DKK2: variants seen among roughly 807,000 people sequenced by gnomAD.
The protein encoded by DKK2 is dickkopf-related protein 2.
A neutral mutation model predicts 28.1 loss-of-function variants in DKK2; 11 were observed. That is an observed-to-expected ratio of 0.39 (90% confidence interval 0.25 to 0.65). The LOEUF (loss-of-function observed/expected upper bound fraction) is 0.65. Among genes scored for constraint, DKK2 ranks in the 30% least tolerant of loss-of-function variants. The probability of loss-of-function intolerance (pLI) is 0.47; values close to 1 mark genes in which losing one functional copy is unlikely to be tolerated. For missense variants in DKK2, 326 were observed against 335.5 expected (o/e 0.97, Z 0.22); for synonymous variants, 135 against 126.5 (o/e 1.07, Z -0.45).
chr4:106,935,063 T>A (rs1351355279), intron 1 of DKK2, among the ~76,000 whole-genome samples: 3 of 151,796 alleles, frequency 2.0e-5, no homozygotes, highest in African/African-American at 7.3e-5. Context: ...CCACAAAGTT[T>A]AAATAGACTA....
intron 1 of DKK2, among the ~76,000 whole-genome samples, chr4:106,997,488 T>C (rs182833924): frequency 1.3e-5 from 2 of 152,050 alleles, no homozygotes; most frequent in African/African-American, 4.8e-5. Flanking sequence ...CCTCTCAAAA[T>C]ATAGGAGACC....
At chr4:106,982,668 A>C (rs1328256116) in intron 1 of DKK2, among the ~76,000 whole-genome samples, 1 of 152,186 alleles carries the variant, frequency 6.6e-6, no homozygotes, top group African/African-American at 2.4e-5. Flanking sequence ...AAGGTGTCAA[A>C]CCTATGTTTA....
chr4:106,992,984 G>T (rs1414174158), intron 1 of DKK2, among the ~76,000 whole-genome samples: 1 of 152,196 alleles, frequency 6.6e-6, no homozygotes, highest in African/African-American at 2.4e-5. Flanking sequence ...AGTGATATGA[G>T]AATTCCATAT....
intron 1 of DKK2, among the ~76,000 whole-genome samples, chr4:107,016,114 A>G (rs1387501042): frequency 6.6e-6 from 1 of 151,862 alleles, no homozygotes; most frequent in Non-Finnish European, 1.5e-5. Flanking sequence ...AAGTTATTTG[A>G]AAGTCTGAGT....
intron 2 of DKK2, among the ~76,000 whole-genome samples, chr4:106,925,244 C>A (rs542746179): frequency 6.6e-6 from 1 of 152,178 alleles, no homozygotes; most frequent in African/African-American, 2.4e-5. Context: ...TAATTACCTT[C>A]TGCAATTATT....
rs963001570 is a variant in DKK2, at chr4:106,984,775, C to T, written c.222+50595G>A. Among the ~76,000 whole-genome samples, 9 of 152,170 alleles carry T rather than the reference C, an allele frequency of 5.9e-5. 1 individual carries two copies. The highest frequency in any genetic ancestry group is 2.1e-4 in the South Asian group (1 of 4,836). On this transcript the variant is annotated intron_variant, in intron 1 of 3. Coordinates refer to ENST00000285311, the MANE Select transcript of DKK2 (RefSeq NM_014421.3). ...AAAACTGAAAACAAATACAGATATC[C>T]TTCAACGGGTGAATGGTTAAGCAGT...
At chr4:106,940,818 A>G (rs1014511207) in intron 1 of DKK2, among the ~76,000 whole-genome samples, 2 of 152,184 alleles carry the variant, frequency 1.3e-5, no homozygotes, top group African/African-American at 4.8e-5. Context: ...AAGGACATGG[A>G]TGAAATTGGA....
chr4:106,965,158 A>G (rs1359259547), intron 1 of DKK2, among the ~76,000 whole-genome samples: 1 of 152,152 alleles, frequency 6.6e-6, no homozygotes, highest in Non-Finnish European at 1.5e-5. Flanking sequence ...CATTCTTCTT[A>G]CTTTAGCTAT....
At position 107,020,192 on chromosome 4, in the gene DKK2, T is replaced by C. The variant is rs370600929; in HGVS notation, c.222+15178A>G. ...ACAGTACACACTTCAATTCAATTTG[T>C]AGTCAATCACTGTGATGGCTGTGGC... is the stretch of plus-strand genomic sequence containing the variant. On this transcript the variant is annotated intron_variant, in intron 1 of 3. Transcript: ENST00000285311. Among the ~76,000 whole-genome samples, 9 of 152,254 alleles carry C rather than the reference T, an allele frequency of 5.9e-5. 1 individual carries two copies. The highest frequency in any genetic ancestry group is 5.9e-4 in the Admixed American group (9 of 15,280).
chr4:106,931,052 A>C (rs1422341740), intron 1 of DKK2, among the ~76,000 whole-genome samples: 2 of 152,206 alleles, frequency 1.3e-5, no homozygotes, highest in African/African-American at 4.8e-5. Context: ...ATGCAACTGC[A>C]GGAGGTGCAG....
intron 1 of DKK2, among the ~76,000 whole-genome samples, chr4:106,930,842 A>C (rs1724492357): frequency 6.6e-6 from 1 of 152,180 alleles, no homozygotes; most frequent in Non-Finnish European, 1.5e-5. Context: ...ACTGGGGATG[A>C]GAATATATCT....
intron 1 of DKK2, among the ~76,000 whole-genome samples, chr4:107,021,395 T>C (rs1225469491): frequency 6.6e-6 from 1 of 152,062 alleles, no homozygotes; most frequent in Non-Finnish European, 1.5e-5. Context: ...CATAAAAATA[T>C]CAAAGGAATG....
intron 1 of DKK2, among the ~76,000 whole-genome samples, chr4:106,974,907 A>C (rs1722920408): frequency 6.6e-6 from 1 of 152,140 alleles, no homozygotes; most frequent in South Asian, 2.1e-4. Context: ...TTATTTTGAG[A>C]TACGTTCCAT....
chr4:106,939,562 C>A (rs1356193041), intron 1 of DKK2, among the ~76,000 whole-genome samples: 6 of 152,122 alleles, frequency 3.9e-5, no homozygotes, highest in East Asian at 1.9e-4. Context: ...CAATGCCATC[C>A]CCATCAAGCT....
chr4:106,983,311 AAG>A lies in DKK2; in HGVS notation c.222+52057_222+52058del, dbSNP rs908397313. 6.2e-5 allele frequency among the ~76,000 whole-genome samples: 9 copies of A among 146,072 alleles called. 1 individual carries two copies. The Admixed American group carries it at 6.3e-4, about 10-fold the overall frequency. Reference sequence around the variant, plus strand: ...GAAGAAAGAAAAGAAAGGAAGAAGAAAGAAAGAAGAAAGAAAGGAAGAAAGGA... The same window carrying A: ...GAAGAAAGAAAAGAAAGGAAGAAGAAAAAGAAGAAAGAAAGGAAGAAAGGA... On this transcript the variant is annotated intron_variant, in intron 1 of 3. Transcript: ENST00000285311.
chr4:107,007,339 G>A (rs1019966860), intron 1 of DKK2, among the ~76,000 whole-genome samples: 1 of 152,070 alleles, frequency 6.6e-6, no homozygotes, highest in Non-Finnish European at 1.5e-5. Flanking sequence ...TTTAAGCAAA[G>A]TAGCACTAAG....
At chr4:106,967,313 C>T (rs1419590104) in intron 1 of DKK2, among the ~76,000 whole-genome samples, 4 of 152,116 alleles carry the variant, frequency 2.6e-5, no homozygotes, top group African/African-American at 9.7e-5. Flanking sequence ...AGAACCTGGT[C>T]TAGACTAAAA....
chr4:106,989,922 T>C (rs937734182), intron 1 of DKK2, among the ~76,000 whole-genome samples: 8 of 152,150 alleles, frequency 5.3e-5, no homozygotes, highest in East Asian at 1.9e-4. Context: ...ACAGGTGAAA[T>C]TAATCTTAAA....
chr4:107,033,138 C>A (rs1198145113), intron 1 of DKK2, among the ~76,000 whole-genome samples: 1 of 152,166 alleles, frequency 6.6e-6, no homozygotes, highest in Non-Finnish European at 1.5e-5. Flanking sequence ...GCCAGCTAGC[C>A]TCCTGCTATT....
Sources: gnomAD v4.1 joint callset for allele counts (sites outside exome capture counted in the v4.1 genomes callset) on GRCh38, gnomAD v4.1.1 for gene constraint, MANE v1.5 for transcripts, NCBI Gene and HGNC (gene_info 2026-07-23, HGNC 2026-07-21) for gene names.